JHY: variants seen among roughly 807,000 people sequenced by gnomAD.
JHY encodes the protein junctional cadherin complex regulator.
JHY carries 69 observed loss-of-function variants against 78.0 expected under a neutral mutation model. The ratio of observed to expected loss-of-function variants is 0.88; its 90% CI spans 0.73 to 1.08. The LOEUF (loss-of-function observed/expected upper bound fraction) is 1.08, where lower values mean the gene tolerates loss of function less well. JHY is among the 50% of genes least tolerant of loss of function. The pLI, the probability that JHY is intolerant of heterozygous loss-of-function variation, is 0.00. For synonymous variants in JHY, 368 were observed against 342.6 expected (o/e 1.07, Z -0.82); for missense variants, 944 against 927.8 (o/e 1.02, Z -0.23).
intron 2 of JHY, among the ~76,000 whole-genome samples, chr11:122,888,517 C>T (rs1472989379): frequency 2.6e-5 from 4 of 151,752 alleles, no homozygotes; most frequent in Non-Finnish European, 4.4e-5. Context: ...TGGAGGATGT[C>T]CTTGTTGTGT....
In JHY at chr11:122,936,858, T is replaced by C. The variant is rs531640219; in HGVS notation, c.1634+1783T>C. Reference sequence around the variant, plus strand: ...TTGACTGGGTGGATTATCAAGAAAATACCAGCCTTATAAAATGAGTTGAGG... The same window carrying C: ...TTGACTGGGTGGATTATCAAGAAAACACCAGCCTTATAAAATGAGTTGAGG... On this transcript the variant is annotated intron_variant, in intron 5 of 8. Coordinates refer to ENST00000227349, the MANE Select transcript of JHY (RefSeq NM_024806.4). Among the ~76,000 whole-genome samples the C allele has an allele frequency of 1.5e-3, 228 of 152,326 alleles. 1 individual carries two copies. Among genetic ancestry groups the C allele is most frequent in the African/African-American group, 5.2e-3 (218 of 41,576 alleles).
intron 3 of JHY, among the ~76,000 whole-genome samples, chr11:122,923,967 G>A (rs1182794973): frequency 7.4e-6 from 1 of 136,048 alleles, no homozygotes; most frequent in Non-Finnish European, 1.5e-5. Flanking sequence ...TTGAACTCCT[G>A]CCCTCGTGAT....
At chr11:122,942,278 G>A (rs373498323) in intron 5 of JHY, among the ~76,000 whole-genome samples, 3 of 151,906 alleles carry the variant, frequency 2.0e-5, no homozygotes, top group Non-Finnish European at 4.4e-5. Context: ...CTTGCAAAAG[G>A]GTTGTCTATT....
chr11:122,915,188 T>C (rs1863209864), intron 3 of JHY, among the ~76,000 whole-genome samples: 1 of 152,216 alleles, frequency 6.6e-6, no homozygotes, highest in African/African-American at 2.4e-5. Flanking sequence ...ACAGGTCATA[T>C]TGCACCGTTC....
rs775304257 is a variant in JHY, at chr11:122,898,366, G to A, written c.345-5559G>A. On this transcript the variant is annotated intron_variant, in intron 2 of 8. Coordinates refer to ENST00000227349, the MANE Select transcript of JHY (RefSeq NM_024806.4). The surrounding 1 kb of genome is among the most constrained non-coding windows in gnomAD (Gnocchi z 4.4). ...AATGCAACATGATGTGCAGGAGCCCGATCCAGAGCAGACTGCCAGGCTCTG... is the reference window on the plus strand; with the variant it reads ...AATGCAACATGATGTGCAGGAGCCCAATCCAGAGCAGACTGCCAGGCTCTG... 1.3e-5 allele frequency among the ~76,000 whole-genome samples: 2 copies of A among 152,178 alleles called. No individual in the cohort carries two copies. Among genetic ancestry groups the A allele is most frequent in the African/African-American group, 2.4e-5 (1 of 41,434 alleles).
Position 122,957,378 on chromosome 11 carries a change from C to A in JHY, c.2026C>A (p.Gln676Lys). ...SIRDKTQKLI[Q>K]QKEYAKQVKE... Reference sequence around the variant, plus strand: ...CTCTGAACAGACGCAAAAATTAATACAGCAAAAGGAATATGCAAAACAAGT... The same window carrying A: ...CTCTGAACAGACGCAAAAATTAATAAAGCAAAAGGAATATGCAAAACAAGT... The change falls in exon 8 of 9, where the codon CAG (glutamine) becomes AAG (lysine). Residue 676 changes from glutamine (Q) to lysine (K), a missense_variant. Transcript: ENST00000227349. The A allele has an allele frequency of 6.5e-7, 1 of 1,528,904 alleles. No homozygotes were observed. Among genetic ancestry groups the A allele is most frequent in the Admixed American group, 2.6e-5 (1 of 38,420 alleles). The allele number at this position is 1,528,904 out of a possible 1,614,324, so 94.7% of individuals were successfully genotyped here. A position where few individuals can be genotyped will look rare whatever the true frequency, so the allele number is the denominator to read the frequency against.
In JHY at chr11:122,934,465, A is replaced by G. The variant is rs767172782; in HGVS notation, c.1024A>G (p.Asn342Asp). 12 of 1,613,784 alleles carry G rather than the reference A, an allele frequency of 7.4e-6. No individual in the cohort carries two copies. The highest frequency in any genetic ancestry group is 2.7e-5 in the African/African-American group (2 of 74,914). Residue 342 changes from asparagine to aspartate, a missense_variant, in exon 5 of 9, where the codon AAT becomes GAT. By Grantham distance (23) the Asn-to-Asp change is conservative. Coordinates refer to ENST00000227349, the MANE Select transcript of JHY (RefSeq NM_024806.4). ...TCAATATGAAAGTACAAAATCAAGCAATGTACCAAGAGGGCAACCTTCTGA... is the reference window on the plus strand; with the variant it reads ...TCAATATGAAAGTACAAAATCAAGCGATGTACCAAGAGGGCAACCTTCTGA... ...WSQYESTKSSNVPRGQPSDMV... is the reference protein window; with the variant it reads ...WSQYESTKSSDVPRGQPSDMV...
Position 122,885,780 on chromosome 11 carries a change from C to A in JHY, c.-70C>A. 7.9e-7 allele frequency: 1 copy of A among 1,264,440 alleles called. No homozygotes were observed. 78.3% of individuals were successfully genotyped at this position (1,264,440 alleles called of 1,614,324 possible). A position where few individuals can be genotyped will look rare whatever the true frequency, so the allele number is the denominator to read the frequency against. On this transcript the variant is annotated 5_prime_UTR_variant, in exon 2 of 9. Coordinates refer to ENST00000227349, the MANE Select transcript of JHY (RefSeq NM_024806.4). The stretch of plus-strand genomic sequence containing the variant: ...TTTCAGGTAACGCTTTTGTGAACCA[C>A]AACTTTAAATATCAGCCAGCTGCTC...
chr11:122,905,139 G>A (rs1447000429), intron 3 of JHY: 11 of 1,487,798 alleles, frequency 7.4e-6, no homozygotes, highest in Non-Finnish European at 1.0e-5. Context: ...TGTAAAATTG[G>A]GACAGTAATA....
intron 2 of JHY, among the ~76,000 whole-genome samples, chr11:122,892,722 A>T (rs778009110): frequency 9.2e-5 from 14 of 152,206 alleles, no homozygotes; most frequent in Non-Finnish European, 2.1e-4. Flanking sequence ...GTATTGAATG[A>T]TGACTTCTAG....
At chr11:122,927,980 C>G (rs1038042205) in intron 4 of JHY, among the ~76,000 whole-genome samples, 1 of 152,150 alleles carries the variant, frequency 6.6e-6, no homozygotes, top group African/African-American at 2.4e-5. Context: ...ATCTGCCCGC[C>G]TGGGCCTCCC....
intron 5 of JHY, among the ~76,000 whole-genome samples, chr11:122,939,514 T>C (rs929592685): frequency 1.3e-5 from 2 of 152,108 alleles, no homozygotes; most frequent in Non-Finnish European, 1.5e-5. Context: ...TTTGCTCTTT[T>C]CCCCCCATTT....
At chr11:122,915,890 A>G (rs1471457346) in intron 3 of JHY, among the ~76,000 whole-genome samples, 1 of 152,196 alleles carries the variant, frequency 6.6e-6, no homozygotes, top group Non-Finnish European at 1.5e-5. Context: ...AATGGCATGA[A>G]GTCGTGAAAG....
Position 122,956,492 on chromosome 11 carries a change from T to C in JHY, c.1930-4T>C, listed in dbSNP as rs1565340520. ...AGAAACTGTTTCTGTGGTTGTATTT[T>C]TAGAACACCAAGCTGAAAGGTTATC... On this transcript the variant is annotated splice_region_variant and splice_polypyrimidine_tract_variant and intron_variant, in intron 6 of 8. Coordinates refer to ENST00000227349, the MANE Select transcript of JHY (RefSeq NM_024806.4). 3 of 1,613,028 alleles carry C rather than the reference T, an allele frequency of 1.9e-6. No homozygotes were observed. The highest frequency in any genetic ancestry group is 2.5e-6 in the Non-Finnish European group (3 of 1,179,324).
At chr11:122,913,019 T>G (rs944414440) in intron 3 of JHY, among the ~76,000 whole-genome samples, 1 of 152,022 alleles carries the variant, frequency 6.6e-6, no homozygotes, top group African/African-American at 2.4e-5. Flanking sequence ...TTTTTAAGGC[T>G]GCATTGCCTC....
At chr11:122,887,933 C>G (rs1209464030) in intron 2 of JHY, among the ~76,000 whole-genome samples, 1 of 152,136 alleles carries the variant, frequency 6.6e-6, no homozygotes, top group Non-Finnish European at 1.5e-5. Context: ...TTACAGAACT[C>G]AAATGATTTG....
chr11:122,904,875 C>T (rs766454913), intron 3 of JHY, among the ~76,000 whole-genome samples: 3 of 152,132 alleles, frequency 2.0e-5, no homozygotes, highest in African/African-American at 4.8e-5. Flanking sequence ...ACCACCATAG[C>T]AGAGGTTTTC....
intron 2 of JHY, among the ~76,000 whole-genome samples, chr11:122,889,338 G>A (rs1482559629): frequency 3.9e-5 from 6 of 151,930 alleles, no homozygotes; most frequent in South Asian, 2.1e-4. Context: ...CCATGGTTTC[G>A]CATCTGTGGA....
At chr11:122,928,906 C>T (rs1264533529) in intron 4 of JHY, among the ~76,000 whole-genome samples, 2 of 151,896 alleles carry the variant, frequency 1.3e-5, no homozygotes, top group African/African-American at 4.8e-5. Flanking sequence ...CCTCGGCCTC[C>T]CAAAGTGCCA....
Sources: gnomAD v4.1 joint callset for allele counts (sites outside exome capture counted in the v4.1 genomes callset) on GRCh38, gnomAD v4.1.1 for gene constraint, Gnocchi (gnomAD v3.1) non-coding constraint, MANE v1.5 for transcripts, NCBI Gene and HGNC (gene_info 2026-07-23, HGNC 2026-07-21) for gene names.